The following KIAA1549L variants were observed in gnomAD, a reference collection of about 807,000 sequenced individuals.
The protein encoded by KIAA1549L is UPF0606 protein KIAA1549L.
KIAA1549L carries 88 observed loss-of-function variants against 160.7 expected under a neutral mutation model. That is an observed-to-expected ratio of 0.55 (90% CI 0.46 to 0.65). The LOEUF (loss-of-function observed/expected upper bound fraction) is 0.65. Among genes scored for constraint, KIAA1549L ranks in the 30% least tolerant of loss-of-function variants. The pLI is 0.00. For missense variants in KIAA1549L, 2,258 were observed against 2,437.5 expected, an observed-to-expected ratio of 0.93 and a Z score of 1.55; for synonymous variants, 950 against 976.7, an observed-to-expected ratio of 0.97 and a Z score of 0.51.
intron 14 of KIAA1549L, among the ~76,000 whole-genome samples, chr11:33,609,399 G>A (rs766804336): frequency 3.3e-5 from 5 of 152,202 alleles, no homozygotes; most frequent in South Asian, 2.1e-4. Flanking sequence ...GAGAACTGGC[G>A]GAGGCACCCA....
chr11:33,566,884 A>G (rs1384208484), intron 8 of KIAA1549L, among the ~76,000 whole-genome samples: 1 of 152,250 alleles, frequency 6.6e-6, no homozygotes, highest in Non-Finnish European at 1.5e-5. Context: ...TTATCTTCCC[A>G]GCCCTTTCAA....
intron 16 of KIAA1549L, among the ~76,000 whole-genome samples, chr11:33,631,886 G>A (rs12285827): frequency 0.04 from 6,035 of 152,198 alleles, 262 homozygotes; most frequent in African/African-American, 0.1. Flanking sequence ...CAGTAGATGC[G>A]GTGTCTCTAT....
chr11:33,462,272 G>T (rs1374848577), intron 1 of KIAA1549L, among the ~76,000 whole-genome samples: 1 of 152,098 alleles, frequency 6.6e-6, no homozygotes, highest in Non-Finnish European at 1.5e-5. Context: ...TCTTCATCAT[G>T]GGTAGACCAT....
At chr11:33,467,677 A>G (rs1190871713) in intron 1 of KIAA1549L, among the ~76,000 whole-genome samples, 2 of 152,212 alleles carry the variant, frequency 1.3e-5, no homozygotes, top group African/African-American at 2.4e-5. Context: ...TGGGCAGTAT[A>G]TAGTAGATTC....
At chr11:33,414,376 G>C (rs949369411) in intron 1 of KIAA1549L, among the ~76,000 whole-genome samples, 1 of 152,130 alleles carries the variant, frequency 6.6e-6, no homozygotes, top group African/African-American at 2.4e-5. Context: ...TCTATTACCA[G>C]CTTGTAATAC....
intron 1 of KIAA1549L, among the ~76,000 whole-genome samples, chr11:33,534,033 C>T (rs1853836594): frequency 6.6e-6 from 1 of 152,154 alleles, no homozygotes; most frequent in Admixed American, 6.5e-5. Context: ...CAGTTTGGGG[C>T]TTGTGCAGCA....
At chr11:33,625,568 T>C (rs1448340645) in intron 16 of KIAA1549L, among the ~76,000 whole-genome samples, 1 of 152,200 alleles carries the variant, frequency 6.6e-6, no homozygotes, top group Non-Finnish European at 1.5e-5. Flanking sequence ...TTTTGAAAAG[T>C]GTCTGTTCAT....
chr11:33,538,189 A>G (rs1853935808), intron 1 of KIAA1549L, among the ~76,000 whole-genome samples: 1 of 152,212 alleles, frequency 6.6e-6, no homozygotes, highest in Admixed American at 6.5e-5. Flanking sequence ...GAACTCACTC[A>G]CTATCCTGAG....
intron 20 of KIAA1549L, among the ~76,000 whole-genome samples, chr11:33,662,180 T>C (rs1852288113): frequency 6.6e-6 from 1 of 152,194 alleles, no homozygotes; most frequent in Non-Finnish European, 1.5e-5. Flanking sequence ...TTGTGAAATA[T>C]CTCCAAACTA....
rs200634201 is a variant in KIAA1549L at position 33,545,081 on chromosome 11, G to T, written c.3088G>T (p.Asp1030Tyr). The T allele has an allele frequency of 4.3e-6, 7 of 1,613,894 alleles. No homozygotes were observed. Among genetic ancestry groups the T allele is most frequent in the Admixed American group, 1.7e-5 (1 of 59,998 alleles). The part of the protein sequence containing the change: ...STHTAMQGNM[D>Y]TASGLLSTTY... ...ACATACAGCCATGCAAGGAAACATG[G>T]ACACTGCCTCTGGCCTGTTGTCTAC... Residue 1030 changes from aspartate to tyrosine, a missense_variant, in exon 3 of 21, where the codon GAC becomes TAC. This residue lies in a region of KIAA1549L where 1,359 missense variants were observed against 1,546.6 expected (regional missense o/e 0.88). Transcript: ENST00000658780.
At chr11:33,535,916 C>T (rs960529865) in intron 1 of KIAA1549L, among the ~76,000 whole-genome samples, 1 of 152,228 alleles carries the variant, frequency 6.6e-6, no homozygotes, top group South Asian at 2.1e-4. Flanking sequence ...CATCAGCTAT[C>T]TCTCATTTCC....
intron 17 of KIAA1549L, among the ~76,000 whole-genome samples, chr11:33,649,629 T>A (rs1851826854): frequency 6.6e-6 from 1 of 151,892 alleles, no homozygotes; most frequent in Non-Finnish European, 1.5e-5. Context: ...GGGAATTTTA[T>A]GGTCTTTTTT....
chr11:33,561,609 C>G, intron 7 of KIAA1549L, 67 bp from the exon 8 acceptor site: 1 of 1,259,236 alleles, frequency 7.9e-7, no homozygotes, highest in South Asian at 1.2e-5. Flanking sequence ...TCAAATATAA[C>G]TAAATAAATG....
chr11:33,643,264 G>GTA (rs1372936915), intron 16 of KIAA1549L, among the ~76,000 whole-genome samples: 1 of 151,948 alleles, frequency 6.6e-6, no homozygotes, highest in East Asian at 1.9e-4. Flanking sequence ...ATGTATGTGT[G>GTA]TATATATATA....
At chr11:33,605,735 T>C (rs1850483828) in intron 13 of KIAA1549L, among the ~76,000 whole-genome samples, 1 of 152,242 alleles carries the variant, frequency 6.6e-6, no homozygotes, top group African/African-American at 2.4e-5. Flanking sequence ...ATAACACCTC[T>C]TTTCCTCCTA....
At chr11:33,526,647 C>T (rs1480400602) in intron 1 of KIAA1549L, among the ~76,000 whole-genome samples, 1 of 152,216 alleles carries the variant, frequency 6.6e-6, no homozygotes, top group Non-Finnish European at 1.5e-5. Context: ...CAAGGAATCA[C>T]CCCATGGGAC....
intron 1 of KIAA1549L, among the ~76,000 whole-genome samples, chr11:33,528,780 A>C (rs1449546234): frequency 6.6e-6 from 1 of 152,212 alleles, no homozygotes; most frequent in African/African-American, 2.4e-5. Context: ...AGCTATGAGA[A>C]TGCAAAGGCA....
intron 13 of KIAA1549L, among the ~76,000 whole-genome samples, chr11:33,605,718 A>G (rs528044944): frequency 6.6e-6 from 1 of 152,310 alleles, no homozygotes; most frequent in South Asian, 2.1e-4. Context: ...TTACATTCAT[A>G]TTTTATATAA....
chr11:33,583,267 G>C, intron 10 of KIAA1549L, 71 bp from the exon 11 acceptor site: 3 of 1,410,012 alleles, frequency 2.1e-6, no homozygotes, highest in Non-Finnish European at 2.9e-6. Context: ...TGGGGTGGGG[G>C]GTTATGTCTG....
Sources: allele counts gnomAD v4.1 joint callset (sites outside exome capture counted in the v4.1 genomes callset), GRCh38; gene constraint gnomAD v4.1.1; regional missense constraint gnomAD v4.1.1; transcripts MANE v1.5; gene names NCBI Gene and HGNC (gene_info 2026-07-23, HGNC 2026-07-21).